The following COLEC10 variants were observed in gnomAD, a reference collection of about 807,000 sequenced individuals.
COLEC10 encodes the protein collectin-10.
A neutral mutation model predicts 28.4 loss-of-function variants in COLEC10; 22 were observed. The observed-to-expected ratio is 0.78, with a 90% CI of 0.55 to 1.11. The LOEUF (loss-of-function observed/expected upper bound fraction) is 1.11. COLEC10 is among the 50% of genes least tolerant of loss of function. The pLI is 0.00. For missense variants in COLEC10, 361 were observed against 344.1 expected (o/e 1.05, Z -0.39); for synonymous variants, 125 against 116.1 (o/e 1.08, Z -0.49).
chr8:119,099,995 G>A (rs138995485), intron 3 of COLEC10, among the ~76,000 whole-genome samples: 19 of 152,214 alleles, frequency 1.2e-4, no homozygotes, highest in African/African-American at 4.6e-4. Flanking sequence ...CGTTCCATCT[G>A]TGTTGAATTA....
the COLEC10 span, chr8:118,976,428 A>G: frequency 6.6e-6 from 1 of 152,106 alleles, no homozygotes; most frequent in Non-Finnish European, 1.5e-5. Context: ...TGCAAGCCTG[A>G]CAGCCAGAGA....
chr8:119,088,121 T>G (rs770642063), intron 1 of COLEC10, among the ~76,000 whole-genome samples: 2 of 143,266 alleles, frequency 1.4e-5, no homozygotes, highest in African/African-American at 2.6e-5. Flanking sequence ...AGAAAGACAC[T>G]GTCAGAAAGA....
At chr8:118,963,867 T>C in the COLEC10 span, among the ~76,000 whole-genome samples, 5 of 152,154 alleles carry the variant, frequency 3.3e-5, no homozygotes, top group Admixed American at 3.3e-4. Context: ...GTGCCTACTA[T>C]GTGTTGTAAG....
intron 2 of COLEC10, among the ~76,000 whole-genome samples, chr8:119,024,518 C>A (rs1207322192): frequency 6.6e-6 from 1 of 151,682 alleles, no homozygotes; most frequent in Non-Finnish European, 1.5e-5. Flanking sequence ...TAGAATCACC[C>A]CCAACCAACA....
intron 1 of COLEC10, among the ~76,000 whole-genome samples, chr8:119,086,697 A>C (rs1447967261): frequency 6.6e-6 from 1 of 152,246 alleles, no homozygotes; most frequent in Non-Finnish European, 1.5e-5. Flanking sequence ...GAAAGCTTAT[A>C]GAAGGGGAAG....
the COLEC10 span, among the ~76,000 whole-genome samples, chr8:118,966,792 T>C: frequency 0.011 from 1,619 of 152,248 alleles, 27 homozygotes; most frequent in African/African-American, 0.036. Flanking sequence ...TTTCTTCTTA[T>C]TGAATGCCAA....
At chr8:118,964,513 A>G in the COLEC10 span, among the ~76,000 whole-genome samples, 1 of 152,176 alleles carries the variant, frequency 6.6e-6, no homozygotes, top group Non-Finnish European at 1.5e-5. Flanking sequence ...TAAATTCTGT[A>G]TTATTAGTCC....
intron 3 of COLEC10, among the ~76,000 whole-genome samples, chr8:119,096,643 CAG>C (rs1815724468): frequency 6.6e-6 from 1 of 151,872 alleles, no homozygotes; most frequent in African/African-American, 2.4e-5. Context: ...AGATACTTCT[CAG>C]AGAACAAAAA....
chr8:118,957,362 C>A, the COLEC10 span, among the ~76,000 whole-genome samples: 1 of 152,160 alleles, frequency 6.6e-6, no homozygotes, highest in East Asian at 1.9e-4. Flanking sequence ...ATGGTGACGG[C>A]TATGAAGGCC....
chr8:118,981,900 C>T, the COLEC10 span, among the ~76,000 whole-genome samples: 2 of 151,944 alleles, frequency 1.3e-5, no homozygotes, highest in East Asian at 1.9e-4. Flanking sequence ...CCTGGAGGTC[C>T]TCCTAGTGTG....
At chr8:119,006,619 C>T (rs531082650) in intron 1 of COLEC10, among the ~76,000 whole-genome samples, 1 of 152,152 alleles carries the variant, frequency 6.6e-6, no homozygotes, top group African/African-American at 2.4e-5. Flanking sequence ...CATGTTCTTT[C>T]TGGATCCTGG....
In COLEC10 at chr8:119,106,900, A is replaced by G. The variant is rs1397548471; in HGVS notation, c.*709A>G. 6.6e-6 allele frequency among the ~76,000 whole-genome samples: 1 copy of G among 152,148 alleles called. No homozygotes were observed. Among genetic ancestry groups the G allele is most frequent in the Non-Finnish European group, 1.5e-5 (1 of 68,012 alleles). On this transcript the variant is annotated 3_prime_UTR_variant, in exon 6 of 6. Coordinates refer to ENST00000332843, the MANE Select transcript of COLEC10 (RefSeq NM_006438.5). The stretch of plus-strand genomic sequence containing the variant: ...CCCCTTTCTGTAGGCTCACACCTTA[A>G]TCTCAGGCCCCTATATAGTCACACT...
At chr8:119,074,912 A>T (rs1815197113) in intron 1 of COLEC10, among the ~76,000 whole-genome samples, 1 of 152,206 alleles carries the variant, frequency 6.6e-6, no homozygotes, top group Non-Finnish European at 1.5e-5. Context: ...TAACATGAGG[A>T]TGATAATAGT....
intron 3 of COLEC10, among the ~76,000 whole-genome samples, chr8:119,099,650 A>C (rs549092927): frequency 6.6e-6 from 1 of 150,418 alleles, no homozygotes; most frequent in African/African-American, 2.4e-5. Context: ...AAATACTGAA[A>C]ACTAGTCACA....
the COLEC10 span, among the ~76,000 whole-genome samples, chr8:118,974,443 GGT>G: frequency 1.3e-5 from 2 of 151,878 alleles, no homozygotes; most frequent in Non-Finnish European, 1.5e-5. Flanking sequence ...CCAAGGAAGA[GGT>G]GTGTTTTCCC....
At chr8:118,993,058 G>T (rs1024134099), upstream of COLEC10, among the ~76,000 whole-genome samples, 2 of 152,162 alleles carry the variant, frequency 1.3e-5, no homozygotes, top group African/African-American at 2.4e-5. Flanking sequence ...AAAGCTGTAG[G>T]ATTGCTTGCT....
intron 1 of COLEC10, among the ~76,000 whole-genome samples, chr8:119,083,798 A>C (rs1160107132): frequency 2.0e-5 from 3 of 152,148 alleles, no homozygotes; most frequent in Non-Finnish European, 4.4e-5. Flanking sequence ...TATTAAATTC[A>C]GTATATTACG....
At chr8:119,083,253 T>C (rs1376075382) in intron 1 of COLEC10, among the ~76,000 whole-genome samples, 2 of 152,172 alleles carry the variant, frequency 1.3e-5, no homozygotes, top group Admixed American at 1.3e-4. Context: ...GTGGGTTCTC[T>C]CTTAATGGTG....
rs149407705 is a variant in COLEC10, at chr8:119,080,477, GAA to G, written c.149-9200_149-9199del. ...AAATAATACTCCAAGGCAACAATTA[GAA>G]AATAGTAACAAGGAACCAGATGGTG... On this transcript the variant is annotated intron_variant, in intron 1 of 5. Transcript: ENST00000332843. 8.7e-3 allele frequency among the ~76,000 whole-genome samples: 1,317 copies of G among 152,126 alleles called. 8 individuals are homozygous for G. The highest frequency in any genetic ancestry group is 0.014 in the Non-Finnish European group (955 of 67,984).
Sources: gnomAD v4.1 joint callset for allele counts (sites outside exome capture counted in the v4.1 genomes callset) on GRCh38, gnomAD v4.1.1 for gene constraint, MANE v1.5 for transcripts, NCBI Gene and HGNC (gene_info 2026-07-23, HGNC 2026-07-21) for gene names.